PIP4K2B: variants seen among roughly 807,000 people sequenced by gnomAD.
PIP4K2B encodes phosphatidylinositol 5-phosphate 4-kinase type-2 beta.
Under a neutral mutation model 42.0 loss-of-function variants are expected in PIP4K2B, and 3 were observed. The ratio of observed to expected loss-of-function variants is 0.07; its 90% CI spans 0.03 to 0.18. PIP4K2B has a LOEUF of 0.18. Ranked by LOEUF, PIP4K2B falls within the 10% of genes least tolerant of loss-of-function variation. The probability of loss-of-function intolerance (pLI) is 1.00; values close to 1 mark genes in which losing one functional copy is unlikely to be tolerated. For missense variants in PIP4K2B, 332 were observed against 562.3 expected, an observed-to-expected ratio of 0.59 and a Z score of 4.14; for synonymous variants, 204 against 210.1, an observed-to-expected ratio of 0.97 and a Z score of 0.25.
intron 1 of PIP4K2B, among the ~76,000 whole-genome samples, chr17:38,792,032 C>T (rs1910370506): frequency 6.6e-6 from 1 of 151,750 alleles, no homozygotes; most frequent in East Asian, 2.0e-4. Flanking sequence ...CAAGGCGGAG[C>T]TTGCAGTGAG....
chr17:38,781,754 C>T (rs1358993451), intron 3 of PIP4K2B, among the ~76,000 whole-genome samples: 1 of 151,604 alleles, frequency 6.6e-6, no homozygotes. Context: ...TGAGATCAAG[C>T]AATCCTCCTG....
intron 3 of PIP4K2B, 111 bp from the exon 4 acceptor site, chr17:38,780,715 G>A: frequency 9.8e-7 from 1 of 1,025,252 alleles, no homozygotes. Context: ...CACTGAGATA[G>A]AGGGACTCCC....
chr17:38,788,491 C>T (rs148746375), intron 1 of PIP4K2B, among the ~76,000 whole-genome samples: 3,220 of 152,082 alleles, frequency 0.021, 144 homozygotes, highest in African/African-American at 0.074. Context: ...TGAGCCACTG[C>T]GCCCGGCTGT....
chr17:38,780,236 G>C (rs1490355697), intron 4 of PIP4K2B, among the ~76,000 whole-genome samples: 4 of 152,224 alleles, frequency 2.6e-5, no homozygotes, highest in African/African-American at 7.2e-5. Flanking sequence ...CCAACTGGGA[G>C]TCAGTCAGCG....
chr17:38,786,397 GT>G (rs1910011674), intron 2 of PIP4K2B, among the ~76,000 whole-genome samples: 1 of 152,186 alleles, frequency 6.6e-6, no homozygotes, highest in Admixed American at 6.5e-5. Context: ...TGCTCTGCCT[GT>G]TGCTCATACA....
intron 7 of PIP4K2B, among the ~76,000 whole-genome samples, chr17:38,772,513 T>G (rs1909104269): frequency 6.6e-6 from 1 of 152,210 alleles, no homozygotes; most frequent in African/African-American, 2.4e-5. Context: ...AACCCATATT[T>G]GACTTCATTA....
At chr17:38,770,947 TA>T in intron 8 of PIP4K2B, 66 bp downstream of exon 8, 6 of 1,577,414 alleles carry the variant, frequency 3.8e-6, no homozygotes, top group Non-Finnish European at 5.2e-6. Flanking sequence ...TAGAAGGATC[TA>T]AACAATGAGC....
intron 9 of PIP4K2B, 38 bp from the exon 10 acceptor site, chr17:38,769,809 G>C: frequency 1.2e-6 from 2 of 1,609,962 alleles, no homozygotes; most frequent in African/African-American, 2.7e-5. Context: ...TTGAGTTCCT[G>C]TGCCCCAATC....
At chr17:38,777,824 C>G in intron 6 of PIP4K2B, 24 bp from the exon 7 acceptor site, 3 of 1,525,210 alleles carry the variant, frequency 2.0e-6, no homozygotes, top group Non-Finnish European at 2.7e-6. Flanking sequence ...AGCAGTTAGG[C>G]TGGGTAAGCC....
In PIP4K2B at chr17:38,779,494, T is replaced by C. The variant is rs1220363362; in HGVS notation, c.543A>G (p.Pro181=). The change falls in exon 5 of 10, where the codon CCA becomes CCG. Residue 181 remains proline, a synonymous_variant. Coordinates refer to ENST00000619039, the MANE Select transcript of PIP4K2B (RefSeq NM_003559.5). The part of the protein sequence containing the change: ...IVECHGNTLL[P]QFLGMYRLTV... Reference sequence around the variant, plus strand: ...TCAGGCGGTACATGCCCAGGAACTGTGGCAAAAGCGTGTTGCCATGACACT... The same window carrying C: ...TCAGGCGGTACATGCCCAGGAACTGCGGCAAAAGCGTGTTGCCATGACACT... 1 of 1,613,778 alleles carries C rather than the reference T, an allele frequency of 6.2e-7. No homozygotes were observed. Among genetic ancestry groups the C allele is most frequent in the African/African-American group, 1.3e-5 (1 of 74,938 alleles).
In PIP4K2B at chr17:38,769,769, T is replaced by C. The variant is rs775266512; in HGVS notation, c.1173A>G (p.Ala391=). The C allele has an allele frequency of 2.5e-6, 4 of 1,613,326 alleles. No individual in the cohort carries two copies. Among genetic ancestry groups the C allele is most frequent in the East Asian group, 2.2e-5 (1 of 44,834 alleles). ...AHAAKTVKHG[A]GAEISTVNPE... ...GGTTCACAGTCGAGATCTCGGCCCC[T>C]GCCTGTAATACACAAGAGGCTGATT... Residue 391 remains alanine (A), a splice_region_variant and synonymous_variant, in exon 10 of 10, where the codon GCA becomes GCG. Transcript: ENST00000619039.
intron 1 of PIP4K2B, among the ~76,000 whole-genome samples, chr17:38,795,059 C>T (rs1199744252): frequency 1.6e-4 from 21 of 131,684 alleles, no homozygotes; most frequent in Admixed American, 9.7e-4. Context: ...AAGATCACAC[C>T]GTTGCACTCC....
intron 6 of PIP4K2B, 94 bp from the exon 7 acceptor site, chr17:38,777,894 G>A (rs1909454998): frequency 3.5e-6 from 3 of 868,120 alleles, no homozygotes; most frequent in Admixed American, 1.9e-5. Flanking sequence ...ACAGAAAGGG[G>A]AAGGAGGGGT....
At chr17:38,778,413 A>C in intron 5 of PIP4K2B, 41 bp from the exon 6 acceptor site, 1 of 1,595,386 alleles carries the variant, frequency 6.3e-7, no homozygotes, top group Non-Finnish European at 8.6e-7. Flanking sequence ...AAGCTGAGGC[A>C]AAGTCGACTG....
At chr17:38,785,937 C>T (rs1909985468) in intron 2 of PIP4K2B, among the ~76,000 whole-genome samples, 3 of 152,134 alleles carry the variant, frequency 2.0e-5, no homozygotes, top group Non-Finnish European at 4.4e-5. Context: ...TTGAGGGCTG[C>T]CTCTCCCTCC....
At chr17:38,782,017 C>G (rs1264393078) in intron 3 of PIP4K2B, among the ~76,000 whole-genome samples, 1 of 152,178 alleles carries the variant, frequency 6.6e-6, no homozygotes, top group Non-Finnish European at 1.5e-5. Context: ...AATACCTCCT[C>G]AGAAAACCCT....
At chr17:38,789,323 G>A (rs564280182) in intron 1 of PIP4K2B, among the ~76,000 whole-genome samples, 2 of 152,204 alleles carry the variant, frequency 1.3e-5, no homozygotes, top group Non-Finnish European at 2.9e-5. Context: ...TCCCCACCTC[G>A]AGTTTAGCCA....
rs767673813 is a variant in PIP4K2B, at chr17:38,778,346, G to A, written c.681C>T (p.Ser227=). 46 of 1,613,852 alleles carry A rather than the reference G, an allele frequency of 2.9e-5. 1 individual carries two copies. Among genetic ancestry groups the A allele is most frequent in the Middle Eastern group, 1.6e-4 (1 of 6,084 alleles). ...LKGSTVAREA[S]DKEKAKDLPT... ...AGCACCAGCATACCTTCTCCTTGTC[G>A]CTCGCTTCTCTGGCAACCGTAGAAC... Residue 227 remains serine (S), a synonymous_variant, in exon 6 of 10, where the codon AGC becomes AGT. Transcript: ENST00000619039.
chr17:38,773,143 A>G (rs1186467307), intron 7 of PIP4K2B, among the ~76,000 whole-genome samples: 1 of 152,208 alleles, frequency 6.6e-6, no homozygotes, highest in Admixed American at 6.5e-5. Flanking sequence ...CATGACAGAA[A>G]ATAAGGGTAG....
Sources: gnomAD v4.1 joint callset for allele counts (sites outside exome capture counted in the v4.1 genomes callset) on GRCh38, gnomAD v4.1.1 for gene constraint, MANE v1.5 for transcripts, NCBI Gene and HGNC (gene_info 2026-07-23, HGNC 2026-07-21) for gene names.